The following ZNF23 variants were observed in gnomAD, a reference collection of about 807,000 sequenced individuals.
The protein encoded by ZNF23 is kruppel-like zinc finger factor X31.
A neutral mutation model predicts 56.2 loss-of-function variants in ZNF23; 48 were observed. That is an observed-to-expected ratio of 0.85 (90% CI 0.68 to 1.09). The LOEUF is 1.09. ZNF23 is among the 50% of genes least tolerant of loss of function. The pLI, the probability that ZNF23 is intolerant of heterozygous loss-of-function variation, is 0.00. For missense variants in ZNF23, 805 were observed against 811.4 expected, an observed-to-expected ratio of 0.99 and a Z score of 0.10; for synonymous variants, 266 against 283.3, an observed-to-expected ratio of 0.94 and a Z score of 0.61.
chr16:71,451,803 C>T (rs905024138), intron 4 of ZNF23: 1 of 152,224 alleles, frequency 6.6e-6, no homozygotes, highest in African/African-American at 2.4e-5. Context: ...TGCTTTGCTG[C>T]ACTCTCACCA....
intron 2 of ZNF23, 166 bp downstream of exon 2, chr16:71,456,598 G>A (rs987984935): frequency 2.2e-5 from 14 of 648,888 alleles, no homozygotes; most frequent in African/African-American, 1.6e-4. Context: ...TCCTCCACTC[G>A]CTACTGTCCT....
At chr16:71,462,127 A>T (rs2043483327) in intron 1 of ZNF23, 83 bp downstream of exon 1, 1 of 152,326 alleles carries the variant, frequency 6.6e-6, no homozygotes, top group Non-Finnish European at 1.5e-5. Context: ...ACCCTGCAGC[A>T]CCCAGGGTGG....
Position 71,454,088 on chromosome 16 carries a change from C to T in ZNF23, c.114G>A (p.Leu38=), listed in dbSNP as rs370874791. The change falls in exon 3 of 5, where the codon CTG becomes CTA. Residue 38 remains leucine, a synonymous_variant. Coordinates refer to ENST00000647773, the MANE Select transcript of ZNF23 (RefSeq NM_001381984.1). The part of the protein sequence containing the change: ...WDGLSPAQRT[L]YRDVMLENYG... ...AATTCTCCAGCATCACATCCCTGTA[C>T]AGGGTCCTCTGTGCAGGGGACAGGC... The T allele has an allele frequency of 6.2e-7, 1 of 1,614,124 alleles. No individual in the cohort carries two copies. The highest frequency in any genetic ancestry group is 2.2e-5 in the East Asian group (1 of 44,872).
intron 4 of ZNF23, chr16:71,452,618 C>G (rs183277961): frequency 2.4e-4 from 36 of 152,394 alleles, no homozygotes; most frequent in African/African-American, 8.7e-4. Flanking sequence ...TTCCACATTA[C>G]CTTCCCTGTG....
chr16:71,448,153 T>C lies in ZNF23; in HGVS notation c.2001A>G (p.Ala667=), dbSNP rs1030532767. The change falls in exon 5 of 5, where the codon GCA becomes GCG. Residue 667 remains alanine, a synonymous_variant. Coordinates refer to ENST00000647773, the MANE Select transcript of ZNF23 (RefSeq NM_001381984.1). Reference sequence around the variant, plus strand: ...GACTGAGCTGGAAGCTAAACCTGAATGCTTTCCCACACACACTACACATAT... The same window carrying C: ...GACTGAGCTGGAAGCTAAACCTGAACGCTTTCCCACACACACTACACATAT... ...KPYMCSVCGK[A]FRFSFQLSQH... is the part of the protein sequence containing the mutation. 1.9e-6 allele frequency: 3 copies of C among 1,613,872 alleles called. No homozygotes were observed. The highest frequency in any genetic ancestry group is 1.3e-5 in the African/African-American group (1 of 75,060).
chr16:71,452,146 G>C (rs2043076341), intron 4 of ZNF23: 1 of 152,196 alleles, frequency 6.6e-6, no homozygotes, highest in African/African-American at 2.4e-5. Flanking sequence ...ACAGTCAGCT[G>C]TCTACAGAAT....
rs1217832868 is a variant in ZNF23 at position 71,449,621 on chromosome 16, G to C, written c.533C>G (p.Thr178Ser). The part of the protein sequence containing the change: ...SSNSYQCHTI[T>S]GEQPSGCTGL... ...TGTACACCCAGAGGGCTGCTCTCCA[G>C]TGATGGTATGACACTGATATGAGTT... Residue 178 changes from threonine (T) to serine (S), a missense_variant, in exon 5 of 5, where the codon ACT becomes AGT. Thr to Ser is a moderately conservative substitution (Grantham distance 58). Coordinates refer to ENST00000647773, the MANE Select transcript of ZNF23 (RefSeq NM_001381984.1). 3 of 1,613,926 alleles carry C rather than the reference G, an allele frequency of 1.9e-6. No homozygotes were observed. Among genetic ancestry groups the C allele is most frequent in the Middle Eastern group, 1.6e-4 (1 of 6,062 alleles).
chr16:71,454,766 A>C (rs2043167439), intron 2 of ZNF23, among the ~76,000 whole-genome samples: 1 of 152,078 alleles, frequency 6.6e-6, no homozygotes, highest in African/African-American at 2.4e-5. Flanking sequence ...ACCCTCTCCC[A>C]TTCAAGTCTC....
chr16:71,449,977 G>T, intron 4 of ZNF23, 92 bp from the exon 5 acceptor site: 2 of 1,082,276 alleles, frequency 1.8e-6, no homozygotes, highest in African/African-American at 1.6e-5. Context: ...TAATCAGGGG[G>T]CTCCTTAAAA....
chr16:71,454,564 C>T (rs1247449821), intron 2 of ZNF23, among the ~76,000 whole-genome samples: 1 of 152,188 alleles, frequency 6.6e-6, no homozygotes, highest in African/African-American at 2.4e-5. Context: ...GCTGCCCACC[C>T]ATCGCCCTCA....
intron 4 of ZNF23, chr16:71,450,706 G>A (rs1013480175): frequency 4.6e-5 from 19 of 413,266 alleles, no homozygotes; most frequent in East Asian, 2.4e-4. Flanking sequence ...GCGACAGAGC[G>A]AGACTCCATC....
rs868064517 is a variant in ZNF23 at position 71,448,298 on chromosome 16, A to G, written c.1856T>C (p.Ile619Thr). 6.2e-7 allele frequency: 1 copy of G among 1,613,844 alleles called. No homozygotes were observed. The highest frequency in any genetic ancestry group is 8.5e-7 in the Non-Finnish European group (1 of 1,179,936). Reference sequence around the variant, plus strand: ...CCCAGTGTGGCTTCTCTGATGCCGAATTAAATGGGCATTAACATGGAAGGC... The same window carrying G: ...CCCAGTGTGGCTTCTCTGATGCCGAGTTAAATGGGCATTAACATGGAAGGC... Reference protein sequence around the residue: ...GKAFHVNAHLIRHQRSHTGEK... With the variant: ...GKAFHVNAHLTRHQRSHTGEK... Residue 619 changes from isoleucine to threonine, a missense_variant, in exon 5 of 5, where the codon ATT becomes ACT. Coordinates refer to ENST00000647773, the MANE Select transcript of ZNF23 (RefSeq NM_001381984.1).
In ZNF23 at chr16:71,448,816, G is replaced by A. The variant is rs768886292; in HGVS notation, c.1338C>T (p.Val446=). The change falls in exon 5 of 5, where the codon GTC becomes GTT. Residue 446 remains valine (V), a synonymous_variant. Transcript: ENST00000647773. ...ECTECGKAFS[V]KGKLIQHQRI... is the part of the protein sequence containing the mutation. ...TCTGGTGTTGGATTAACTTCCCTTT[G>A]ACACTGAAGGCTTTTCCACATTCAG... 5.6e-6 allele frequency: 9 copies of A among 1,613,994 alleles called. No homozygotes were observed. The Admixed American group carries it at 8.3e-5, about 15-fold the overall frequency.
chr16:71,459,684 G>C (rs1163260673), intron 1 of ZNF23, among the ~76,000 whole-genome samples: 1 of 152,134 alleles, frequency 6.6e-6, no homozygotes, highest in African/African-American at 2.4e-5. Flanking sequence ...CTGTTTTATA[G>C]TCAGTCAGCA....
chr16:71,456,708 A>T, intron 2 of ZNF23, 56 bp downstream of exon 2: 1 of 985,992 alleles, frequency 1.0e-6, no homozygotes. Flanking sequence ...TCCCCTTCTC[A>T]ATGTTTTTCA....
chr16:71,448,111 A>G lies in ZNF23; in HGVS notation c.2043T>C (p.His681=), dbSNP rs781537135. Residue 681 remains histidine (H), a synonymous_variant, in exon 5 of 5, where the codon CAT becomes CAC. Coordinates refer to ENST00000647773, the MANE Select transcript of ZNF23 (RefSeq NM_001381984.1). ...CTCATTATTAGGATTTTCCTTCACT[A>G]TGGACACTCTGATGCTGACTGAGCT... ...SFQLSQHQSV[H]SEGKS 4 of 1,603,704 alleles carry G rather than the reference A, an allele frequency of 2.5e-6. No individual in the cohort carries two copies. Among genetic ancestry groups the G allele is most frequent in the East Asian group, 2.2e-5 (1 of 44,804 alleles).
intron 1 of ZNF23, among the ~76,000 whole-genome samples, chr16:71,458,066 G>C (rs935249612): frequency 1.3e-5 from 2 of 152,108 alleles, no homozygotes; most frequent in Non-Finnish European, 2.9e-5. Context: ...GTCCTCCTAA[G>C]GACAGCACAG....
chr16:71,461,322 G>C (rs1189901808), intron 1 of ZNF23, among the ~76,000 whole-genome samples: 1 of 152,026 alleles, frequency 6.6e-6, no homozygotes, highest in Non-Finnish European at 1.5e-5. Flanking sequence ...AACCAGCAAG[G>C]ATGGGGTGAA....
rs1245981138 is a variant in ZNF23 at position 71,449,142 on chromosome 16, A to C, written c.1012T>G (p.Tyr338Asp). The C allele has an allele frequency of 6.2e-7, 1 of 1,614,170 alleles. No homozygotes were observed. The highest frequency in any genetic ancestry group is 2.2e-5 in the East Asian group (1 of 44,874). The stretch of plus-strand genomic sequence containing the variant: ...GTGTGGACTCTCTGATGTGTAATAT[A>C]TGCAGAACTACAGCTGAAGCCATTT... The part of the protein sequence containing the change: ...CGNGFSCSSA[Y>D]ITHQRVHTGE... The change falls in exon 5 of 5, where the codon TAT (tyrosine) becomes GAT (aspartate). Residue 338 changes from tyrosine to aspartate, a missense_variant. Tyr to Asp is a radical substitution (Grantham distance 160). Transcript: ENST00000647773.
Sources: gnomAD v4.1 joint callset for allele counts (sites outside exome capture counted in the v4.1 genomes callset) on GRCh38, gnomAD v4.1.1 for gene constraint, MANE v1.5 for transcripts, NCBI Gene and HGNC (gene_info 2026-07-23, HGNC 2026-07-21) for gene names.